The following TBC1D22B variants were observed in gnomAD, a reference collection of about 807,000 sequenced individuals.
TBC1D22B encodes the protein chromosome 6 open reading frame 197.
In TBC1D22B, 32 loss-of-function variants were observed where a neutral mutation model predicts 69.1. The ratio of observed to expected loss-of-function variants is 0.46; its 90% CI spans 0.35 to 0.62. TBC1D22B has a LOEUF of 0.62. Among genes scored for constraint, TBC1D22B ranks in the 20% least tolerant of loss-of-function variants. The pLI is 0.00. For missense variants in TBC1D22B, 462 were observed against 630.9 expected (o/e 0.73, Z 2.87); for synonymous variants, 206 against 229.8 (o/e 0.90, Z 0.94).
At chr6:37,282,768 AGGT>A (rs1182074153) in intron 4 of TBC1D22B, 111 bp from the exon 5 acceptor site, 155 of 999,864 alleles carry the variant, frequency 1.6e-4, no homozygotes, top group Non-Finnish European at 2.1e-4. Flanking sequence ...TATGGGTAGC[AGGT>A]GGTGGTGGTG....
chr6:37,315,344 C>G (rs561695752), intron 10 of TBC1D22B, among the ~76,000 whole-genome samples: 2 of 152,124 alleles, frequency 1.3e-5, no homozygotes, highest in African/African-American at 4.8e-5. Flanking sequence ...ATCACTTGAG[C>G]CCAGGAGTTC....
At position 37,282,894 on chromosome 6, in the gene TBC1D22B, A is replaced by G. The variant is rs776940608; in HGVS notation, c.614A>G (p.Lys205Arg). 7.4e-6 allele frequency: 12 copies of G among 1,614,054 alleles called. No homozygotes were observed. In the South Asian group the frequency reaches 1.3e-4, roughly 18 times the overall value. ...TTTCTATTTACAGATGAACTGAGGA[A>G]GTGTAGCTGGCCAGGGGTTCCCAGG... ...SQNTDLDELRKCSWPGVPREV... is the reference protein window; with the variant it reads ...SQNTDLDELRRCSWPGVPREV... Residue 205 changes from lysine (K) to arginine (R), a missense_variant, in exon 5 of 13, where the codon AAG becomes AGG. Lys to Arg is a conservative substitution (Grantham distance 26). Transcript: ENST00000373491.
chr6:37,310,218 A>G (rs1194227028), intron 8 of TBC1D22B, among the ~76,000 whole-genome samples: 2 of 148,672 alleles, frequency 1.3e-5, no homozygotes, highest in African/African-American at 2.4e-5. Flanking sequence ...AAATATGTAT[A>G]TATACTTACA....
intron 12 of TBC1D22B, among the ~76,000 whole-genome samples, chr6:37,320,837 G>A (rs947596485): frequency 2.0e-5 from 3 of 152,224 alleles, no homozygotes; most frequent in African/African-American, 4.8e-5. Flanking sequence ...TACTCTGGGA[G>A]CAGAATGGCT....
chr6:37,290,258 C>G (rs181295094), intron 7 of TBC1D22B, among the ~76,000 whole-genome samples: 1 of 152,262 alleles, frequency 6.6e-6, no homozygotes, highest in Admixed American at 6.5e-5. Flanking sequence ...TAATCTCCTA[C>G]CCTATCATCT....
chr6:37,296,889 C>T (rs182971859), intron 8 of TBC1D22B, among the ~76,000 whole-genome samples: 180 of 152,018 alleles, frequency 1.2e-3, no homozygotes, highest in African/African-American at 3.9e-3. Context: ...TGCAGTGGCA[C>T]GATCTCAGCT....
At chr6:37,296,784 A>C (rs1767392208) in intron 8 of TBC1D22B, among the ~76,000 whole-genome samples, 1 of 151,974 alleles carries the variant, frequency 6.6e-6, no homozygotes, top group African/African-American at 2.4e-5. Context: ...ATATGTATAC[A>C]CACACACATA....
intron 1 of TBC1D22B, among the ~76,000 whole-genome samples, chr6:37,264,485 A>G (rs563546580): frequency 6.6e-6 from 1 of 152,078 alleles, no homozygotes; most frequent in Admixed American, 6.5e-5. Context: ...GCTAATTTTT[A>G]TTTTTAGTAG....
At chr6:37,268,210 C>T (rs1766366168) in intron 1 of TBC1D22B, among the ~76,000 whole-genome samples, 1 of 152,040 alleles carries the variant, frequency 6.6e-6, no homozygotes, top group Non-Finnish European at 1.5e-5. Flanking sequence ...TATACTTATT[C>T]TTGAATCATT....
chr6:37,305,843 A>G (rs1197756510), intron 8 of TBC1D22B, among the ~76,000 whole-genome samples: 3 of 152,176 alleles, frequency 2.0e-5, no homozygotes, highest in African/African-American at 7.2e-5. Context: ...TCTAAGCTTT[A>G]TCTAATTTGA....
At chr6:37,261,944 A>AGTGTGTGTGT (rs70977641) in intron 1 of TBC1D22B, among the ~76,000 whole-genome samples, 19 of 118,790 alleles carry the variant, frequency 1.6e-4, no homozygotes, top group East Asian at 2.5e-4. Flanking sequence ...AGCTTTGGTC[A>AGTGTGTGTGT]GTGTGTGTGT....
intron 1 of TBC1D22B, among the ~76,000 whole-genome samples, chr6:37,267,120 A>G (rs762919682): frequency 2.0e-5 from 3 of 150,754 alleles, no homozygotes; most frequent in African/African-American, 7.3e-5. Context: ...AATTTTTTGT[A>G]GGTACAAGGT....
Position 37,282,911 on chromosome 6 carries a change from G to A in TBC1D22B, c.631G>A (p.Val211Ile), listed in dbSNP as rs1398435708. 2 of 1,613,886 alleles carry A rather than the reference G, an allele frequency of 1.2e-6. No individual in the cohort carries two copies. Among genetic ancestry groups the A allele is most frequent in the African/African-American group, 2.7e-5 (2 of 74,892 alleles). ...DELRKCSWPG[V>I]PREVRPITWR... ...ACTGAGGAAGTGTAGCTGGCCAGGG[G>A]TTCCCAGGGAGGTTCGACCTATAAC... is the stretch of plus-strand genomic sequence containing the variant. The change falls in exon 5 of 13, where the codon GTT becomes ATT. Residue 211 changes from valine (V) to isoleucine (I), a missense_variant. Coordinates refer to ENST00000373491, the MANE Select transcript of TBC1D22B (RefSeq NM_017772.4).
intron 1 of TBC1D22B, among the ~76,000 whole-genome samples, chr6:37,262,443 A>G (rs1046746567): frequency 2.6e-5 from 4 of 152,178 alleles, no homozygotes; most frequent in Non-Finnish European, 5.9e-5. Flanking sequence ...TCATCCTCCA[A>G]AAGTGTTGGG....
chr6:37,298,539 G>GTTTTTTTTTTTTTTTTTTTTTTTTTT (rs34996865), intron 8 of TBC1D22B, among the ~76,000 whole-genome samples: 2 of 71,258 alleles, frequency 2.8e-5, no homozygotes, highest in Admixed American at 2.0e-4. Flanking sequence ...GTTGCCTACA[G>GTTTTTTTTTTTTTTTTTTTTTTTTTT]TTTTTTTTTT....
intron 8 of TBC1D22B, 131 bp from the exon 9 acceptor site, chr6:37,312,787 C>A: frequency 1.5e-6 from 1 of 684,970 alleles, no homozygotes; most frequent in Non-Finnish European, 2.6e-6. Context: ...GGGGCAGGCC[C>A]TTGTTTCTTA....
At chr6:37,269,558 A>G (rs1562040847) in intron 1 of TBC1D22B, 36 bp from the exon 2 acceptor site, 6 of 1,610,704 alleles carry the variant, frequency 3.7e-6, no homozygotes, top group Non-Finnish European at 4.2e-6. Context: ...TTTCCTAACT[A>G]AACTAACTAT....
chr6:37,324,289 C>A (rs1222626010), intron 12 of TBC1D22B: 1 of 456,696 alleles, frequency 2.2e-6, no homozygotes, highest in Admixed American at 2.3e-5. Flanking sequence ...AATTAGTCAA[C>A]TCTTAGTCAC....
chr6:37,292,302 T>G (rs1767210517), intron 8 of TBC1D22B, among the ~76,000 whole-genome samples: 1 of 152,002 alleles, frequency 6.6e-6, no homozygotes. Context: ...GAGAAATGGG[T>G]GAGAGTGGAA....
Sources: gnomAD v4.1 joint callset for allele counts (sites outside exome capture counted in the v4.1 genomes callset) on GRCh38, gnomAD v4.1.1 for gene constraint, MANE v1.5 for transcripts, NCBI Gene and HGNC (gene_info 2026-07-23, HGNC 2026-07-21) for gene names.